SMURF1: variants seen among roughly 807,000 people sequenced by gnomAD.
SMURF1 encodes SMAD specific E3 ubiquitin protein ligase 1.
Under a neutral mutation model 98.0 loss-of-function variants are expected in SMURF1, and 44 were observed. The observed-to-expected ratio is 0.45, with a 90% CI of 0.35 to 0.58. The LOEUF (loss-of-function observed/expected upper bound fraction) is 0.58. Ranked by LOEUF, SMURF1 falls within the 20% of genes least tolerant of loss-of-function variation. The probability of loss-of-function intolerance (pLI) is 0.00; values close to 1 mark genes in which losing one functional copy is unlikely to be tolerated. For synonymous variants in SMURF1, 396 were observed against 374.9 expected, an observed-to-expected ratio of 1.06 and a Z score of -0.65; for missense variants, 687 against 938.4, an observed-to-expected ratio of 0.73 and a Z score of 3.50.
rs376185480 is a variant in SMURF1 at position 99,126,511 on chromosome 7, C to G, written c.55+17215G>C. Among the ~76,000 whole-genome samples the G allele has an allele frequency of 6.6e-5, 10 of 152,050 alleles. No homozygotes were observed. The East Asian group carries it at 1.2e-3, about 18-fold the overall frequency. Reference sequence around the variant, plus strand: ...TCTCTATTAAAAATGTAAAGATCAGCCGGGCGTGGTGGCATGTGCCTGTAG... The same window carrying G: ...TCTCTATTAAAAATGTAAAGATCAGGCGGGCGTGGTGGCATGTGCCTGTAG... On this transcript the variant is annotated intron_variant, in intron 1 of 17. Transcript: ENST00000361368.
intron 11 of SMURF1, among the ~76,000 whole-genome samples, chr7:99,042,831 G>T (rs1390525301): frequency 6.6e-6 from 1 of 152,154 alleles, no homozygotes; most frequent in Non-Finnish European, 1.5e-5. Flanking sequence ...TTTTATTCTG[G>T]AATTTCTTAC....
At chr7:99,076,064 T>C (rs904577194) in intron 1 of SMURF1, among the ~76,000 whole-genome samples, 1 of 152,198 alleles carries the variant, frequency 6.6e-6, no homozygotes, top group Non-Finnish European at 1.5e-5. Context: ...CATTACCTTA[T>C]CCTGGCTAAT....
At chr7:99,116,686 T>C (rs1336133008) in intron 1 of SMURF1, among the ~76,000 whole-genome samples, 1 of 152,130 alleles carries the variant, frequency 6.6e-6, no homozygotes, top group Non-Finnish European at 1.5e-5. Context: ...CACTGAAAAT[T>C]ACATTATTGA....
intron 1 of SMURF1, among the ~76,000 whole-genome samples, chr7:99,120,297 T>C (rs930203289): frequency 2.6e-5 from 4 of 152,226 alleles, no homozygotes; most frequent in African/African-American, 9.6e-5. Context: ...CAGGTATTTC[T>C]TTATAGTAAT....
rs1794767118 is a variant in SMURF1 at position 99,028,328 on chromosome 7, G to C, written c.*2256C>G. ...TGCCACCGACAGGGAGGCCTGTTTG[G>C]AAAGAGTGAACCGGAGCTCTGGAAA... On this transcript the variant is annotated 3_prime_UTR_variant, in exon 18 of 18. Coordinates refer to ENST00000361368, the MANE Select transcript of SMURF1 (RefSeq NM_181349.3). 1 of 152,310 alleles carries C rather than the reference G, an allele frequency of 6.6e-6. No homozygotes were observed. Among genetic ancestry groups the C allele is most frequent in the Non-Finnish European group, 1.5e-5 (1 of 68,110 alleles). The allele number at this position is 152,310 out of a possible 1,614,324, so 9.4% of individuals were successfully genotyped here. A position where few individuals can be genotyped will look rare whatever the true frequency, so the allele number is the denominator to read the frequency against.
chr7:99,056,282 CT>C (rs531685942), intron 5 of SMURF1, among the ~76,000 whole-genome samples: 106 of 145,870 alleles, frequency 7.3e-4, no homozygotes, highest in South Asian at 5.9e-3. Context: ...GCAGAGAGAC[CT>C]TTTTTTTTTT....
chr7:99,124,230 C>G (rs1308670056), intron 1 of SMURF1, among the ~76,000 whole-genome samples: 1 of 152,184 alleles, frequency 6.6e-6, no homozygotes, highest in Admixed American at 6.5e-5. Flanking sequence ...ACCCCACTAG[C>G]AAGCAGCAGA....
intron 4 of SMURF1, 57 bp downstream of exon 4, chr7:99,057,361 A>G (rs1159061253): frequency 6.2e-7 from 1 of 1,612,654 alleles, no homozygotes; most frequent in African/African-American, 1.3e-5. Context: ...ACAAAAAACG[A>G]TGCCTCCTAA....
chr7:99,088,475 C>A (rs781768468), intron 1 of SMURF1, among the ~76,000 whole-genome samples: 14 of 151,110 alleles, frequency 9.3e-5, no homozygotes, highest in Non-Finnish European at 1.5e-4. Context: ...TGTAAAGTTA[C>A]CTACTTCTTT....
At chr7:99,137,011 C>CATAAA (rs3034266) in intron 1 of SMURF1, among the ~76,000 whole-genome samples, 6,696 of 152,232 alleles carry the variant, frequency 0.044, 177 homozygotes, top group Middle Eastern at 0.068. Flanking sequence ...CTGGGAAAAA[C>CATAAA]ATAAAATAAA....
chr7:99,139,451 T>C (rs933748689), intron 1 of SMURF1, among the ~76,000 whole-genome samples: 1 of 152,230 alleles, frequency 6.6e-6, no homozygotes, highest in Non-Finnish European at 1.5e-5. Flanking sequence ...GTTTAGGCAC[T>C]TGTATTTCAA....
At chr7:99,107,320 T>C (rs990462275) in intron 1 of SMURF1, among the ~76,000 whole-genome samples, 6 of 152,234 alleles carry the variant, frequency 3.9e-5, no homozygotes, top group African/African-American at 4.8e-5. Context: ...AGGGGATGGA[T>C]ACTCCATTCT....
intron 1 of SMURF1, among the ~76,000 whole-genome samples, chr7:99,065,946 T>G (rs897532657): frequency 1.3e-5 from 2 of 151,714 alleles, no homozygotes; most frequent in South Asian, 4.1e-4. Flanking sequence ...CTTGGGAGGT[T>G]GAGGCAGGAG....
intron 17 of SMURF1, chr7:99,032,832 A>G (rs769564873): frequency 4.0e-6 from 3 of 743,656 alleles, no homozygotes; most frequent in African/African-American, 1.8e-5. Context: ...TCGGGGGGAA[A>G]GTCTCTTGCT....
chr7:99,092,911 T>C (rs1225215147), intron 1 of SMURF1, among the ~76,000 whole-genome samples: 1 of 152,186 alleles, frequency 6.6e-6, no homozygotes, highest in Non-Finnish European at 1.5e-5. Flanking sequence ...CAGGATTCGC[T>C]AATTTGGTGT....
intron 1 of SMURF1, among the ~76,000 whole-genome samples, chr7:99,076,320 C>T (rs957626090): frequency 5.3e-5 from 8 of 152,192 alleles, no homozygotes; most frequent in Admixed American, 5.2e-4. Context: ...CCATCTCAGC[C>T]AGGTGATCAA....
chr7:99,035,600 C>T lies in SMURF1; in HGVS notation c.1926G>A (p.Thr642=), dbSNP rs768649807. The change falls in exon 16 of 18, where the codon ACG becomes ACA. Residue 642 remains threonine (T), a synonymous_variant. Transcript: ENST00000361368. ...GCCTGGCCCTCCTTTCTTCATCGAA[C>T]GTCTCCACCGCTTGCCAGAACCACC... The part of the protein sequence containing the change: ...IVRWFWQAVE[T]FDEERRARLL... 28 of 1,614,208 alleles carry T rather than the reference C, an allele frequency of 1.7e-5. No homozygotes were observed. Among genetic ancestry groups the T allele is most frequent in the Middle Eastern group, 1.6e-4 (1 of 6,062 alleles).
intron 17 of SMURF1, 68 bp downstream of exon 17, chr7:99,032,964 CAAAAA>C: frequency 1.1e-5 from 14 of 1,308,774 alleles, no homozygotes. Context: ...AAAAAAACAA[CAAAAA>C]AAAAACGTGA....
intron 1 of SMURF1, among the ~76,000 whole-genome samples, chr7:99,093,125 G>A (rs1326066651): frequency 2.6e-5 from 4 of 152,120 alleles, no homozygotes; most frequent in Admixed American, 1.3e-4. Flanking sequence ...ATGTAGCATT[G>A]CAATAATCTC....
Sources: gnomAD v4.1 joint callset for allele counts (sites outside exome capture counted in the v4.1 genomes callset) on GRCh38, gnomAD v4.1.1 for gene constraint, MANE v1.5 for transcripts, NCBI Gene and HGNC (gene_info 2026-07-23, HGNC 2026-07-21) for gene names.